Variants in MYO3B observed in about 807,000 individuals in gnomAD.
MYO3B encodes the protein myosin IIIB, also known as myosin-IIIb.
Under a neutral mutation model 174.6 loss-of-function variants are expected in MYO3B, and 156 were observed. The ratio of observed to expected loss-of-function variants is 0.89; its 90% confidence interval spans 0.78 to 1.02. MYO3B has a LOEUF of 1.02. Among genes scored for constraint, MYO3B ranks in the 50% least tolerant of loss-of-function variants. The pLI is 0.00. For missense variants in MYO3B, 1,632 were observed against 1,639.4 expected (o/e 1.00, Z 0.08); for synonymous variants, 563 against 569.1 (o/e 0.99, Z 0.15).
intron 32 of MYO3B, among the ~76,000 whole-genome samples, chr2:170,630,891 C>A (rs1696905668): frequency 6.6e-6 from 1 of 152,176 alleles, no homozygotes; most frequent in African/African-American, 2.4e-5. Flanking sequence ...ACACCAAAAC[C>A]CCATCTGTAG....
At chr2:170,623,280 T>C (rs1330937849) in intron 32 of MYO3B, among the ~76,000 whole-genome samples, 4 of 152,216 alleles carry the variant, frequency 2.6e-5, no homozygotes, top group Non-Finnish European at 4.4e-5. Context: ...TGGTGTGAGA[T>C]GGTATCTCAC....
At chr2:170,479,884 CAT>C (rs1685572310) in intron 25 of MYO3B, among the ~76,000 whole-genome samples, 1 of 148,022 alleles carries the variant, frequency 6.8e-6, no homozygotes, top group Non-Finnish European at 1.5e-5. Context: ...TATATGCACA[CAT>C]ATTTATAGGT....
chr2:170,214,122 T>C (rs2092802574), intron 3 of MYO3B, among the ~76,000 whole-genome samples: 1 of 152,244 alleles, frequency 6.6e-6, no homozygotes, highest in Non-Finnish European at 1.5e-5. Flanking sequence ...TTATTTTATA[T>C]TTGGCAATTA....
At chr2:170,365,804 C>T (rs772855984) in intron 8 of MYO3B, among the ~76,000 whole-genome samples, 3 of 152,022 alleles carry the variant, frequency 2.0e-5, no homozygotes, top group South Asian at 2.1e-4. Flanking sequence ...TAGACACACC[C>T]GACAGCAATA....
chr2:170,461,466 C>CAAAA (rs1178003357), intron 23 of MYO3B, among the ~76,000 whole-genome samples: 4 of 42,302 alleles, frequency 9.5e-5, no homozygotes, highest in African/African-American at 3.3e-4. Context: ...AACTCAGTCT[C>CAAAA]AAAAAAAAAA....
At chr2:170,543,657 C>G (rs1345220836) in intron 31 of MYO3B, among the ~76,000 whole-genome samples, 1 of 152,130 alleles carries the variant, frequency 6.6e-6, no homozygotes. Context: ...TTGACTCGTT[C>G]TGAGGAAGAA....
intron 32 of MYO3B, among the ~76,000 whole-genome samples, chr2:170,574,469 G>A (rs1692662653): frequency 6.6e-6 from 1 of 152,090 alleles, no homozygotes; most frequent in Admixed American, 6.5e-5. Flanking sequence ...TATTTTAAAA[G>A]TATTAAGATC....
intron 6 of MYO3B, among the ~76,000 whole-genome samples, chr2:170,229,312 A>G (rs913344237): frequency 6.6e-6 from 1 of 152,200 alleles, no homozygotes; most frequent in African/African-American, 2.4e-5. Flanking sequence ...TCAGCCAAGG[A>G]TTAATAGCTT....
intron 7 of MYO3B, among the ~76,000 whole-genome samples, chr2:170,282,088 T>C (rs2093515847): frequency 6.6e-6 from 1 of 152,208 alleles, no homozygotes. Context: ...TCCTTTGCCA[T>C]GCAGCTTTTT....
At chr2:170,220,406 G>A (rs565791428) in intron 6 of MYO3B, among the ~76,000 whole-genome samples, 2 of 150,696 alleles carry the variant, frequency 1.3e-5, no homozygotes, top group African/African-American at 2.4e-5. Flanking sequence ...GGAGGCAGGC[G>A]AATCACAAGG....
At chr2:170,468,993 A>G (rs1684809129) in intron 25 of MYO3B, among the ~76,000 whole-genome samples, 1 of 152,128 alleles carries the variant, frequency 6.6e-6, no homozygotes. Context: ...TGTCTTTACT[A>G]AAAATACAAA....
chr2:170,543,850 A>G, intron 31 of MYO3B, 42 bp from the exon 32 acceptor site: 1 of 1,532,936 alleles, frequency 6.5e-7, no homozygotes. Context: ...CTGTTTCATC[A>G]GAGGATAAGA....
chr2:170,621,517 T>G (rs1443676173), intron 32 of MYO3B, among the ~76,000 whole-genome samples: 2 of 151,514 alleles, frequency 1.3e-5, no homozygotes, highest in African/African-American at 2.4e-5. Context: ...GTTTTTTTGT[T>G]TTTTTGTTTT....
At chr2:170,564,126 G>A (rs952078913) in intron 32 of MYO3B, among the ~76,000 whole-genome samples, 3 of 152,190 alleles carry the variant, frequency 2.0e-5, no homozygotes, top group Non-Finnish European at 4.4e-5. Flanking sequence ...CCTTCTTCAT[G>A]AGATATCAAG....
chr2:170,388,882 A>G (rs994964491), intron 14 of MYO3B, among the ~76,000 whole-genome samples: 2 of 152,208 alleles, frequency 1.3e-5, no homozygotes, highest in Non-Finnish European at 2.9e-5. Flanking sequence ...ACATTAAACA[A>G]ATGAAAGACA....
chr2:170,178,264 C>T lies in MYO3B; in HGVS notation c.-24C>T, dbSNP rs1370838250. On this transcript the variant is annotated 5_prime_UTR_variant, in exon 1 of 35. Coordinates refer to ENST00000408978, the MANE Select transcript of MYO3B (RefSeq NM_138995.5). The stretch of plus-strand genomic sequence containing the variant: ...GAATGAGAATCCAATCTCTCATAAG[C>T]CGGATTCAGAAAATAGGTCATCGAT... 6.2e-7 allele frequency: 1 copy of T among 1,614,112 alleles called. No homozygotes were observed. The highest frequency in any genetic ancestry group is 1.3e-5 in the African/African-American group (1 of 75,050).
chr2:170,611,797 C>T (rs1452674168), intron 32 of MYO3B, among the ~76,000 whole-genome samples: 1 of 152,166 alleles, frequency 6.6e-6, no homozygotes, highest in East Asian at 1.9e-4. Context: ...CTCCCTAGAG[C>T]TTCAGTGAGG....
At chr2:170,433,342 T>A (rs928432619) in intron 22 of MYO3B, among the ~76,000 whole-genome samples, 8 of 152,166 alleles carry the variant, frequency 5.3e-5, no homozygotes, top group African/African-American at 1.7e-4. Context: ...TGGAATGGTA[T>A]AAAATGGCAA....
intron 23 of MYO3B, among the ~76,000 whole-genome samples, chr2:170,458,316 T>C (rs1315039376): frequency 6.6e-6 from 1 of 152,240 alleles, no homozygotes; most frequent in East Asian, 1.9e-4. Flanking sequence ...AGTTTACCAT[T>C]GACTGAAATG....
Sources: gnomAD v4.1 joint callset for allele counts (sites outside exome capture counted in the v4.1 genomes callset) on GRCh38, gnomAD v4.1.1 for gene constraint, MANE v1.5 for transcripts, NCBI Gene and HGNC (gene_info 2026-07-23, HGNC 2026-07-21) for gene names.